ATP6AP2: variants seen among roughly 807,000 people sequenced by gnomAD.
ATP6AP2 encodes ATPase H+ transporting accessory protein 2.
A neutral mutation model predicts 23.4 loss-of-function variants in ATP6AP2; 1 was observed. The ratio of observed to expected loss-of-function variants is 0.04; its 90% CI spans 0.02 to 0.20. The LOEUF (loss-of-function observed/expected upper bound fraction) is 0.20. Among genes scored for constraint, ATP6AP2 ranks in the 10% least tolerant of loss-of-function variants. ATP6AP2 has a pLI of 1.00. For missense variants in ATP6AP2, 174 were observed against 271.3 expected (o/e 0.64, Z 2.52); for synonymous variants, 90 against 97.1 (o/e 0.93, Z 0.43).
rs1256273894 is a variant in ATP6AP2 at position 40,591,352 on chromosome X, A to T, written c.287A>T (p.Tyr96Phe). Residue 96 changes from tyrosine (Y) to phenylalanine (F), a missense_variant, in exon 3 of 9, where the codon TAC becomes TTC. Tyr to Phe is a conservative substitution (Grantham distance 22, BLOSUM62 3). Transcript: ENST00000636580. Reference sequence around the variant, plus strand: ...CTACCCCCAGGCAGTGTCATTTCGTACCCTTTGGAGAATGTGAGTATTTAT... The same window carrying T: ...CTACCCCCAGGCAGTGTCATTTCGTTCCCTTTGGAGAATGTGAGTATTTAT... ...LALPPGSVIS[Y>F]PLENAVPFSL... is the part of the protein sequence containing the mutation. 31 of 1,209,394 alleles carry T rather than the reference A, an allele frequency of 2.6e-5. No homozygotes were observed. The highest frequency in any genetic ancestry group is 3.4e-5 in the Non-Finnish European group (30 of 894,835).
chrX:40,597,857 T>A, intron 5 of ATP6AP2, 193 bp downstream of exon 5: 1 of 425,684 alleles, frequency 2.3e-6, no homozygotes, highest in Non-Finnish European at 4.0e-6. Context: ...TTATACTACT[T>A]GAAATTTTGG....
chrX:40,604,470 A>C lies in ATP6AP2; in HGVS notation c.859-1091A>C, dbSNP rs1047645667. Among the ~76,000 whole-genome samples the C allele has an allele frequency of 2.7e-5, 3 of 111,383 alleles. No individual in the cohort carries two copies. In the Admixed American group the frequency reaches 2.9e-4, roughly 11 times the overall value. On this transcript the variant is annotated intron_variant, in intron 8 of 8. Coordinates refer to ENST00000636580, the MANE Select transcript of ATP6AP2 (RefSeq NM_005765.3). ...CCATCAGAGCTCATGAGAACTCAGT[A>C]TCATGAGAACAGTATGGGGGAAACT...
intron 3 of ATP6AP2, chrX:40,591,912 G>A: frequency 8.0e-6 from 1 of 125,048 alleles, no homozygotes; most frequent in Non-Finnish European, 1.7e-5. Flanking sequence ...TGCAAGAGGG[G>A]GTGATATACA....
At chrX:40,605,243 T>A (rs1245761891) in intron 8 of ATP6AP2, 3 of 238,791 alleles carry the variant, frequency 1.3e-5, no homozygotes, top group Non-Finnish European at 2.2e-5. Flanking sequence ...CTGCTGATAT[T>A]CTTATACATG....
chrX:40,582,819 T>C (rs1471065939), intron 1 of ATP6AP2, among the ~76,000 whole-genome samples: 1 of 112,423 alleles, frequency 8.9e-6, no homozygotes, highest in African/African-American at 3.2e-5. Context: ...TAGGCTTTTT[T>C]GTTTTGGGTC....
intron 5 of ATP6AP2, chrX:40,598,280 G>T (rs1228108098): frequency 5.5e-6 from 1 of 181,174 alleles, no homozygotes; most frequent in Non-Finnish European, 1.0e-5. Flanking sequence ...TTTATTTGCT[G>T]TGGATGACCA....
At chrX:40,600,960 C>T (rs1235693374) in intron 8 of ATP6AP2, 79 bp downstream of exon 8, 18 of 996,087 alleles carry the variant, frequency 1.8e-5, no homozygotes, top group Non-Finnish European at 2.5e-5. Context: ...TCCTATATCA[C>T]CTAAGGGTGA....
At chrX:40,602,649 C>CA (rs770480291) in intron 8 of ATP6AP2, among the ~76,000 whole-genome samples, 2,342 of 58,850 alleles carry the variant, frequency 0.04, 89 homozygotes, top group East Asian at 0.17. Context: ...GACTCCATCT[C>CA]AAAAAAAAAA....
chrX:40,585,883 A>G (rs188951337), intron 1 of ATP6AP2, among the ~76,000 whole-genome samples: 2 of 111,503 alleles, frequency 1.8e-5, no homozygotes, highest in Admixed American at 1.9e-4. Context: ...AAATTTTTAA[A>G]ATTTTGTGGG....
At chrX:40,599,389 C>A in intron 6 of ATP6AP2, 1 of 446,443 alleles carries the variant, frequency 2.2e-6, no homozygotes, top group South Asian at 3.2e-5. Context: ...TGCTCCTAAA[C>A]ATGAGATTCG....
Position 40,585,670 on chromosome X carries a change from G to A in ATP6AP2, c.38-3316G>A, listed in dbSNP as rs182544111. 9.8e-3 allele frequency among the ~76,000 whole-genome samples: 1,080 copies of A among 109,787 alleles called. 12 individuals carry two copies. Among genetic ancestry groups the A allele is most frequent in the African/African-American group, 0.034 (1,030 of 30,091 alleles). Reference sequence around the variant, plus strand: ...GGAGTTCGAGACCAGTCTGGCCAACGTAGTGAAACCCTGTCTCTACCAAAA... The same window carrying A: ...GGAGTTCGAGACCAGTCTGGCCAACATAGTGAAACCCTGTCTCTACCAAAA... On this transcript the variant is annotated intron_variant, in intron 1 of 8. Coordinates refer to ENST00000636580, the MANE Select transcript of ATP6AP2 (RefSeq NM_005765.3).
In ATP6AP2 at chrX:40,586,661, C is replaced by A. The variant is rs562631278; in HGVS notation, c.38-2325C>A. On this transcript the variant is annotated intron_variant, in intron 1 of 8. Coordinates refer to ENST00000636580, the MANE Select transcript of ATP6AP2 (RefSeq NM_005765.3). ...GAGCCAGTTGCTGGCAAATGTAGTT[C>A]GTATATTGAGGTGGTGTCCCCATCA... is the stretch of plus-strand genomic sequence containing the variant. Among the ~76,000 whole-genome samples the A allele has an allele frequency of 2.7e-5, 3 of 111,936 alleles. 1 individual carries two copies. In the South Asian group the frequency reaches 1.1e-3, roughly 42 times the overall value.
intron 2 of ATP6AP2, chrX:40,590,902 A>G (rs1490605069): frequency 4.5e-6 from 1 of 224,396 alleles, no homozygotes; most frequent in Non-Finnish European, 8.1e-6. Context: ...GAAAATTTCC[A>G]TGGCTACATG....
intron 1 of ATP6AP2, among the ~76,000 whole-genome samples, chrX:40,585,019 A>G (rs1390428201): frequency 8.9e-6 from 1 of 112,290 alleles, no homozygotes; most frequent in Non-Finnish European, 1.9e-5. Context: ...TGCTGGGATT[A>G]CAGGTGTGAG....
chrX:40,581,423 G>C (rs1454500357), intron 1 of ATP6AP2, among the ~76,000 whole-genome samples: 4 of 113,015 alleles, frequency 3.5e-5, no homozygotes, highest in Non-Finnish European at 7.5e-5. Flanking sequence ...GCATTTCTCA[G>C]TGAACTGGGA....
chrX:40,582,606 C>T (rs149667282), intron 1 of ATP6AP2, among the ~76,000 whole-genome samples: 1,396 of 111,736 alleles, frequency 0.012, 23 homozygotes, highest in African/African-American at 0.043. Flanking sequence ...ATGCCCCAAA[C>T]GTTTTCGAGT....
rs988329700 is a variant in ATP6AP2 at position 40,593,567 on chromosome X, C to T, written c.300+2202C>T. On this transcript the variant is annotated intron_variant, in intron 3 of 8. Transcript: ENST00000636580. ...TGTCGCCCAGGTTGGAGTGCAGTGGCGCAATGTCATCTCACTGCAACTTCT... is the reference window on the plus strand; with the variant it reads ...TGTCGCCCAGGTTGGAGTGCAGTGGTGCAATGTCATCTCACTGCAACTTCT... 3.6e-5 allele frequency among the ~76,000 whole-genome samples: 4 copies of T among 109,595 alleles called. 1 individual carries two copies. Among genetic ancestry groups the T allele is most frequent in the South Asian group, 8.0e-4 (2 of 2,514 alleles).
At chrX:40,589,549 T>C in intron 2 of ATP6AP2, 1 of 121,522 alleles carries the variant, frequency 8.2e-6, no homozygotes, top group Non-Finnish European at 1.7e-5. Flanking sequence ...ATAGGATATC[T>C]ACTTTCTGGT....
chrX:40,599,979 T>A lies in ATP6AP2; in HGVS notation c.738+238T>A, dbSNP rs1325005231. ...TATCTCACACAAAGCTTTACAAAAT[T>A]ATTGTGGTAAAATATATATAACATA... is the stretch of plus-strand genomic sequence containing the variant. On this transcript the variant is annotated intron_variant, in intron 7 of 8. Transcript: ENST00000636580. 1.1e-5 allele frequency: 4 copies of A among 377,261 alleles called. No individual in the cohort carries two copies. In the East Asian group the frequency reaches 2.0e-4, roughly 18 times the overall value. 31.1% of individuals were successfully genotyped at this position (377,261 alleles called of 1,213,427 possible).
Sources: gnomAD v4.1 joint callset for allele counts (sites outside exome capture counted in the v4.1 genomes callset) on GRCh38, gnomAD v4.1.1 for gene constraint, MANE v1.5 for transcripts, NCBI Gene and HGNC (gene_info 2026-07-23, HGNC 2026-07-21) for gene names.